The following PTGFRN variants were observed in gnomAD, a reference collection of about 807,000 sequenced individuals.
PTGFRN encodes prostaglandin F2 receptor inhibitor.
Under a neutral mutation model 83.2 loss-of-function variants are expected in PTGFRN, and 35 were observed. The observed-to-expected ratio is 0.42, with a 90% CI of 0.32 to 0.56. The LOEUF is 0.56. PTGFRN is among the 20% of genes least tolerant of loss of function. The pLI, the probability that PTGFRN is intolerant of heterozygous loss-of-function variation, is 0.11. For missense variants in PTGFRN, 1,051 were observed against 1,179.5 expected, an observed-to-expected ratio of 0.89 and a Z score of 1.60; for synonymous variants, 519 against 498.6, an observed-to-expected ratio of 1.04 and a Z score of -0.55.
At chr1:116,965,834 A>C (rs1650812020) in intron 5 of PTGFRN, among the ~76,000 whole-genome samples, 1 of 152,222 alleles carries the variant, frequency 6.6e-6, no homozygotes, top group South Asian at 2.1e-4. Flanking sequence ...TTATGTTTCC[A>C]GTACCTGCAG....
intron 4 of PTGFRN, among the ~76,000 whole-genome samples, chr1:116,957,364 G>A (rs923386900): frequency 6.6e-6 from 1 of 152,010 alleles, no homozygotes; most frequent in Non-Finnish European, 1.5e-5. Context: ...GGTGTGAGCA[G>A]GCCAGGGAGT....
At chr1:116,920,417 G>A (rs1373993475) in intron 1 of PTGFRN, among the ~76,000 whole-genome samples, 1 of 152,172 alleles carries the variant, frequency 6.6e-6, no homozygotes, top group Non-Finnish European at 1.5e-5. Context: ...GAGTAAGCTG[G>A]GGCTGACTAA....
Position 116,933,619 on chromosome 1 carries a change from G to T in PTGFRN, c.50-8096G>T, listed in dbSNP as rs192937330. On this transcript the variant is annotated intron_variant, in intron 1 of 8. Transcript: ENST00000393203. ...GAACCCCCTTTAGTACTTATTTTTGGTGCAATTAATTCTTTTTCCCTTGTT... is the reference window on the plus strand; with the variant it reads ...GAACCCCCTTTAGTACTTATTTTTGTTGCAATTAATTCTTTTTCCCTTGTT... 1.1e-3 allele frequency among the ~76,000 whole-genome samples: 170 copies of T among 152,068 alleles called. 1 individual carries two copies. The highest frequency in any genetic ancestry group is 3.6e-3 in the African/African-American group (151 of 41,456).
Position 116,961,377 on chromosome 1 carries a change from A to G in PTGFRN, c.1348A>G (p.Arg450Gly). The change falls in exon 5 of 9, where the codon AGG becomes GGG. Residue 450 changes from arginine (R) to glycine (G), a missense_variant. Physicochemically the swap from Arg to Gly is moderately radical, Grantham distance 125. Transcript: ENST00000393203. This position sits in a 1 kb window ranked among gnomAD's most constrained non-coding sequence, Gnocchi z 5.4. The stretch of plus-strand genomic sequence containing the variant: ...CCGATTCACGGTTTCGTGGTACTAC[A>G]GGATGAACCGGCGCAGCGACAATGT... ...NVRFTVSWYY[R>G]MNRRSDNVVT... 1 of 1,610,564 alleles carries G rather than the reference A, an allele frequency of 6.2e-7. No homozygotes were observed. The highest frequency in any genetic ancestry group is 8.5e-7 in the Non-Finnish European group (1 of 1,177,448).
chr1:116,966,117 C>G (rs1650822550), intron 5 of PTGFRN, among the ~76,000 whole-genome samples: 1 of 152,230 alleles, frequency 6.6e-6, no homozygotes, highest in African/African-American at 2.4e-5. Flanking sequence ...TATTCATCCA[C>G]TCAACAAATA....
intron 3 of PTGFRN, 60 bp from the exon 4 acceptor site, chr1:116,949,132 G>A (rs1281460805): frequency 2.0e-6 from 3 of 1,512,874 alleles, no homozygotes; most frequent in African/African-American, 2.8e-5. Flanking sequence ...AAAGAGGGTG[G>A]AGAATAGAAG....
intron 1 of PTGFRN, among the ~76,000 whole-genome samples, chr1:116,915,032 C>T (rs1408220066): frequency 6.6e-6 from 1 of 152,114 alleles, no homozygotes; most frequent in Non-Finnish European, 1.5e-5. Context: ...AAACTGATGC[C>T]CAGAAAAGTT....
rs201017438 is a variant in PTGFRN at position 116,986,849 on chromosome 1, C to T, written c.2522C>T (p.Thr841Met). 170 of 1,614,142 alleles carry T rather than the reference C, an allele frequency of 1.1e-4. No homozygotes were observed. In the East Asian group the frequency reaches 2.0e-3, roughly 19 times the overall value. Reference protein sequence around the residue: ...YPLLIGVGLSTVIGLLSCLIG... With the variant: ...YPLLIGVGLSMVIGLLSCLIG... ...TTGCTGATCGGCGTCGGTCTGTCCA[C>T]GGTCATCGGGCTCCTGTCCTGTCTC... Residue 841 changes from threonine (T) to methionine (M), a missense_variant, in exon 9 of 9, where the codon ACG (threonine) becomes ATG (methionine). Physicochemically the swap from Thr to Met is moderately conservative, Grantham distance 81. Transcript: ENST00000393203.
At chr1:116,979,533 A>G (rs918524082) in intron 7 of PTGFRN, among the ~76,000 whole-genome samples, 8 of 152,190 alleles carry the variant, frequency 5.3e-5, no homozygotes, top group African/African-American at 1.7e-4. Context: ...ATATAGACCA[A>G]TGGAAAAGAA....
In PTGFRN at chr1:116,974,314, C is replaced by A; in HGVS notation, c.2158C>A (p.Leu720Met). Residue 720 changes from leucine (L) to methionine (M), a missense_variant, in exon 7 of 9, where the codon CTG (leucine) becomes ATG (methionine). By Grantham distance (15) the Leu-to-Met change is conservative. Coordinates refer to ENST00000393203, the MANE Select transcript of PTGFRN (RefSeq NM_020440.4). ...TATCATCACTGTCGAGGGAGCAGCA[C>A]TGGATCCAGGTACCTCACTCCATCC... ...FCIITVEGAA[L>M]DPDDMAFDVS... The A allele has an allele frequency of 6.2e-7, 1 of 1,605,992 alleles. No homozygotes were observed. The highest frequency in any genetic ancestry group is 1.3e-5 in the African/African-American group (1 of 74,836).
At chr1:116,926,383 C>T (rs1649661811) in intron 1 of PTGFRN, among the ~76,000 whole-genome samples, 1 of 152,158 alleles carries the variant, frequency 6.6e-6, no homozygotes, top group Non-Finnish European at 1.5e-5. Flanking sequence ...CTGAGCGGTG[C>T]TTGGGCCTCT....
intron 8 of PTGFRN, among the ~76,000 whole-genome samples, chr1:116,985,578 G>A (rs912153846): frequency 2.6e-5 from 4 of 152,030 alleles, no homozygotes; most frequent in African/African-American, 4.8e-5. Flanking sequence ...GAGTGGTGGC[G>A]GGTGCCTGTA....
At chr1:116,981,520 A>G (rs1484798217) in intron 7 of PTGFRN, among the ~76,000 whole-genome samples, 1 of 152,218 alleles carries the variant, frequency 6.6e-6, no homozygotes, top group African/African-American at 2.4e-5. Context: ...CAGTGAATCC[A>G]GTGAGCCCCT....
chr1:116,927,730 G>A (rs1439039241), intron 1 of PTGFRN, among the ~76,000 whole-genome samples: 1 of 151,160 alleles, frequency 6.6e-6, no homozygotes, highest in Non-Finnish European at 1.5e-5. Flanking sequence ...ATAGAGACGA[G>A]ATCTATGTTG....
intron 7 of PTGFRN, 132 bp downstream of exon 7, chr1:116,974,455 A>G (rs546070131): frequency 1.6e-6 from 1 of 639,194 alleles, no homozygotes; most frequent in East Asian, 2.7e-5. Flanking sequence ...CTGGCCCAGT[A>G]CTTTGTACTC....
chr1:116,953,342 G>A (rs571009952), intron 4 of PTGFRN, among the ~76,000 whole-genome samples: 1 of 152,316 alleles, frequency 6.6e-6, no homozygotes, highest in Admixed American at 6.5e-5. Flanking sequence ...AGACCTGTAG[G>A]TTTTTTAAGG....
intron 3 of PTGFRN, among the ~76,000 whole-genome samples, chr1:116,945,607 A>G (rs1172011791): frequency 2.0e-5 from 3 of 152,060 alleles, no homozygotes; most frequent in Admixed American, 6.5e-5. Flanking sequence ...CGGTCCCCTC[A>G]GATGTGCTTT....
chr1:116,966,553 C>T (rs1032277252), intron 5 of PTGFRN, among the ~76,000 whole-genome samples: 4 of 152,234 alleles, frequency 2.6e-5, no homozygotes, highest in Admixed American at 1.3e-4. Flanking sequence ...TCAGCCATGT[C>T]TTTCCCACCT....
chr1:116,975,147 C>T (rs1479542335), intron 7 of PTGFRN, among the ~76,000 whole-genome samples: 2 of 152,174 alleles, frequency 1.3e-5, no homozygotes, highest in Non-Finnish European at 2.9e-5. Context: ...AGTCTGAGAT[C>T]GAACTGCAAG....
Sources: allele counts gnomAD v4.1 joint callset (sites outside exome capture counted in the v4.1 genomes callset), GRCh38; gene constraint gnomAD v4.1.1; non-coding constraint Gnocchi (gnomAD v3.1); transcripts MANE v1.5; gene names NCBI Gene and HGNC (gene_info 2026-07-23, HGNC 2026-07-21).